The following OR2L13 variants were observed in gnomAD, a reference collection of about 807,000 sequenced individuals.
The protein encoded by OR2L13 is olfactory receptor 2L13.
OR2L13 carries 14 observed loss-of-function variants against 15.3 expected under a neutral mutation model. The observed-to-expected ratio is 0.91, with a 90% CI of 0.60 to 1.43. OR2L13 has a LOEUF of 1.43. OR2L13 is among the 40% of genes most tolerant of loss of function. The pLI is 0.00. For synonymous variants in OR2L13, 152 were observed against 142.9 expected, an observed-to-expected ratio of 1.06 and a Z score of -0.45; for missense variants, 367 against 387.9, an observed-to-expected ratio of 0.95 and a Z score of 0.45.
At chr1:248,050,779 C>T in the OR2L13 span, among the ~76,000 whole-genome samples, 8 of 152,186 alleles carry the variant, frequency 5.3e-5, no homozygotes, top group East Asian at 1.9e-4. Context: ...ATATAAATTA[C>T]GGAGTATTGG....
At chr1:248,026,053 C>T in the OR2L13 span, among the ~76,000 whole-genome samples, 1 of 152,056 alleles carries the variant, frequency 6.6e-6, no homozygotes, top group Non-Finnish European at 1.5e-5. Flanking sequence ...ACATATGTAA[C>T]TAATCTGCAC....
the OR2L13 span, among the ~76,000 whole-genome samples, chr1:247,952,150 G>A: frequency 6.6e-6 from 1 of 152,144 alleles, no homozygotes; most frequent in Non-Finnish European, 1.5e-5. Context: ...GAAATTATTA[G>A]ATATTTCAAT....
chr1:248,017,719 G>A, the OR2L13 span, among the ~76,000 whole-genome samples: 3 of 152,054 alleles, frequency 2.0e-5, no homozygotes, highest in Admixed American at 2.0e-4. Flanking sequence ...TGGCACCATC[G>A]CAGGCAGAGC....
chr1:247,951,994 C>CGT, the OR2L13 span, among the ~76,000 whole-genome samples: 51 of 149,128 alleles, frequency 3.4e-4, no homozygotes, highest in Non-Finnish European at 6.2e-4. Flanking sequence ...TGTGTGTGTG[C>CGT]GCGCGTGCGC....
At chr1:248,013,540 G>A in the OR2L13 span, 1 of 152,094 alleles carries the variant, frequency 6.6e-6, no homozygotes, top group Non-Finnish European at 1.5e-5. Context: ...GGTAAAGAAG[G>A]ACTGGATCAT....
At chr1:248,012,711 C>A in the OR2L13 span, among the ~76,000 whole-genome samples, 1 of 151,966 alleles carries the variant, frequency 6.6e-6, no homozygotes, top group African/African-American at 2.4e-5. Context: ...TATACACTAC[C>A]TACCCTGATT....
At chr1:248,041,379 A>C in the OR2L13 span, 1 of 152,166 alleles carries the variant, frequency 6.6e-6, no homozygotes, top group Non-Finnish European at 1.5e-5. Flanking sequence ...TAAAGACTTA[A>C]ACGTTAGACC....
At chr1:247,984,797 ATGT>A in the OR2L13 span, among the ~76,000 whole-genome samples, 4 of 152,084 alleles carry the variant, frequency 2.6e-5, no homozygotes, top group East Asian at 1.9e-4. Context: ...AAGTACATTT[ATGT>A]TGTTGTGCAA....
intron 2 of OR2L13, 38 bp from the exon 3 acceptor site, chr1:248,099,320 T>C: frequency 8.6e-7 from 1 of 1,169,366 alleles, no homozygotes; most frequent in East Asian, 2.3e-5. Context: ...TATTTCATGT[T>C]TTGTGCTTTG....
the OR2L13 span, among the ~76,000 whole-genome samples, chr1:247,957,936 T>C: frequency 2.6e-5 from 4 of 152,320 alleles, no homozygotes; most frequent in African/African-American, 7.2e-5. Context: ...TGTGCCTCTA[T>C]TTCCTTCAGT....
chr1:248,069,674 A>T, the OR2L13 span, among the ~76,000 whole-genome samples: 1 of 152,206 alleles, frequency 6.6e-6, no homozygotes, highest in Non-Finnish European at 1.5e-5. Context: ...AAAGACACAG[A>T]CTGGCAAATT....
chr1:247,948,081 C>T, the OR2L13 span, among the ~76,000 whole-genome samples: 1 of 152,044 alleles, frequency 6.6e-6, no homozygotes, highest in South Asian at 2.1e-4. Flanking sequence ...GGCATTGTGG[C>T]ACGTGGCTGT....
At chr1:247,999,860 T>G in the OR2L13 span, among the ~76,000 whole-genome samples, 3 of 152,172 alleles carry the variant, frequency 2.0e-5, no homozygotes, top group Admixed American at 6.5e-5. Context: ...AAACTGATGC[T>G]ATTTCCTGTT....
the OR2L13 span, among the ~76,000 whole-genome samples, chr1:248,035,050 C>CTTT: frequency 1.4e-5 from 2 of 140,780 alleles, no homozygotes; most frequent in Admixed American, 7.1e-5. Context: ...TTATCTTTCC[C>CTTT]TTTTTTTTTT....
the OR2L13 span, among the ~76,000 whole-genome samples, chr1:248,079,201 A>G: frequency 6.6e-6 from 1 of 152,210 alleles, no homozygotes; most frequent in South Asian, 2.1e-4. Context: ...TTGATAATGT[A>G]CTATGGTTAT....
the OR2L13 span, among the ~76,000 whole-genome samples, chr1:247,948,118 C>G: frequency 6.6e-6 from 1 of 152,008 alleles, no homozygotes; most frequent in South Asian, 2.1e-4. Context: ...GAGGCTGAGG[C>G]AGGAGGATCA....
At chr1:248,046,384 G>A in the OR2L13 span, among the ~76,000 whole-genome samples, 4 of 152,092 alleles carry the variant, frequency 2.6e-5, no homozygotes, top group East Asian at 1.9e-4. Flanking sequence ...TAAACCAAAC[G>A]GAGAAAGAAA....
the OR2L13 span, among the ~76,000 whole-genome samples, chr1:247,999,083 G>T: frequency 1.3e-5 from 2 of 152,098 alleles, no homozygotes; most frequent in African/African-American, 4.8e-5. Flanking sequence ...AGTAAGACAC[G>T]TTCACTATCT....
the OR2L13 span, among the ~76,000 whole-genome samples, chr1:248,056,165 A>C: frequency 6.6e-6 from 1 of 152,248 alleles, no homozygotes; most frequent in East Asian, 1.9e-4. Flanking sequence ...CTCTCTTTAC[A>C]TCTTTATTAT....
Sources: gnomAD v4.1 joint callset for allele counts (sites outside exome capture counted in the v4.1 genomes callset) on GRCh38, gnomAD v4.1.1 for gene constraint, MANE v1.5 for transcripts, NCBI Gene and HGNC (gene_info 2026-07-23, HGNC 2026-07-21) for gene names.